MTAP: variants seen among roughly 807,000 people sequenced by gnomAD.
MTAP encodes the protein methylthioadenosine phosphorylase.
A neutral mutation model predicts 33.6 loss-of-function variants in MTAP; 33 were observed. The ratio of observed to expected loss-of-function variants is 0.98; its 90% confidence interval spans 0.74 to 1.31. MTAP has a LOEUF of 1.31. MTAP is among the 40% of genes most tolerant of loss of function. The pLI, the probability that MTAP is intolerant of heterozygous loss-of-function variation, is 0.00. For synonymous variants in MTAP, 148 were observed against 125.7 expected (o/e 1.18, Z -1.19); for missense variants, 367 against 360.0 (o/e 1.02, Z -0.16).
intron 1 of MTAP, among the ~76,000 whole-genome samples, chr9:21,912,448 T>A (rs1818594921): frequency 6.6e-6 from 1 of 152,206 alleles, no homozygotes; most frequent in African/African-American, 2.4e-5. Context: ...TCAAGTGGGC[T>A]TCATCCCTGG....
At chr9:21,873,624 G>A (rs1321269925) in intron 1 of MTAP, among the ~76,000 whole-genome samples, 2 of 100,904 alleles carry the variant, frequency 2.0e-5, no homozygotes. Flanking sequence ...CCCACCCCAA[G>A]AACTGTGAGA....
intron 4 of MTAP, 125 bp from the exon 5 acceptor site, chr9:21,837,783 A>C: frequency 1.4e-6 from 1 of 724,756 alleles, no homozygotes; most frequent in South Asian, 1.8e-5. Flanking sequence ...GCTTATCCAG[A>C]GGAATTGAGT....
intron 5 of MTAP, among the ~76,000 whole-genome samples, chr9:21,843,003 C>T (rs1365602763): frequency 1.3e-5 from 2 of 152,182 alleles, no homozygotes; most frequent in Non-Finnish European, 2.9e-5. Flanking sequence ...AACTAAGTAT[C>T]TGCAGTCTTC....
At position 21,818,273 on chromosome 9, in the gene MTAP, GAACCGGCAGGGC is replaced by G. The variant is rs375172820; in HGVS notation, c.347+75_347+86del. 148 of 1,434,680 alleles carry G rather than the reference GAACCGGCAGGGC, an allele frequency of 1.0e-4. 2 individuals carry two copies. In the South Asian group the frequency reaches 1.4e-3, roughly 14 times the overall value. 88.9% of individuals were successfully genotyped at this position (1,434,680 alleles called of 1,614,324 possible). On this transcript the variant is annotated intron_variant, in intron 4 of 7. Transcript: ENST00000644715. ...TTCAGCTCAAATGGACGACGCGTGG[GAACCGGCAGGGC>G]AACTGGGAGGGCAGTGCCACAGACT...
Position 21,830,945 on chromosome 9 carries a change from T to C in MTAP, c.348-6963T>C, listed in dbSNP as rs548139425. On this transcript the variant is annotated intron_variant, in intron 4 of 7. Transcript: ENST00000644715. ...ATGCATTATAAAGTGGTGCACAGGA[T>C]TGGTTTTTAATGAGATTTTTGCCAT... 7.2e-5 allele frequency among the ~76,000 whole-genome samples: 11 copies of C among 151,850 alleles called. No homozygotes were observed. In the East Asian group the frequency reaches 7.7e-4, roughly 11 times the overall value.
At chr9:21,816,135 T>G (rs1168006462) in intron 2 of MTAP, among the ~76,000 whole-genome samples, 1 of 152,204 alleles carries the variant, frequency 6.6e-6, no homozygotes, top group Non-Finnish European at 1.5e-5. Flanking sequence ...AAGATCTCTC[T>G]ATCTGGCTGT....
chr9:21,912,914 T>G (rs1390119375), intron 1 of MTAP, among the ~76,000 whole-genome samples: 1 of 152,182 alleles, frequency 6.6e-6, no homozygotes, highest in Non-Finnish European at 1.5e-5. Context: ...CTCGTTAAGC[T>G]GATAAGCAAC....
chr9:21,911,203 T>G (rs1818570581), intron 1 of MTAP, among the ~76,000 whole-genome samples: 1 of 152,096 alleles, frequency 6.6e-6, no homozygotes, highest in Admixed American at 6.6e-5. Context: ...CACCCCACTA[T>G]CAACATTAGA....
chr9:21,807,501 G>GT (rs1285933492), intron 1 of MTAP, among the ~76,000 whole-genome samples: 1 of 152,132 alleles, frequency 6.6e-6, no homozygotes, highest in Non-Finnish European at 1.5e-5. Context: ...TATTTCTTTT[G>GT]TAGGACTGTC....
At chr9:21,911,463 G>A (rs1818575036) in intron 1 of MTAP, among the ~76,000 whole-genome samples, 1 of 152,130 alleles carries the variant, frequency 6.6e-6, no homozygotes, top group African/African-American at 2.4e-5. Context: ...CTAGAACTCA[G>A]GATTAAGAAA....
intron 4 of MTAP, among the ~76,000 whole-genome samples, chr9:21,825,818 G>A (rs979618801): frequency 2.6e-5 from 4 of 152,250 alleles, no homozygotes; most frequent in African/African-American, 9.6e-5. Flanking sequence ...TCCAGCCTGG[G>A]TGACAGCAAA....
intron 1 of MTAP, among the ~76,000 whole-genome samples, chr9:21,927,508 G>T (rs1818888620): frequency 6.6e-6 from 1 of 152,202 alleles, no homozygotes; most frequent in African/African-American, 2.4e-5. Context: ...GCCACTACTA[G>T]AAGAGGATAA....
intron 1 of MTAP, among the ~76,000 whole-genome samples, chr9:21,872,663 AAAGC>A (rs911658760): frequency 3.3e-5 from 5 of 152,218 alleles, no homozygotes; most frequent in Non-Finnish European, 7.3e-5. Flanking sequence ...AAAGAAGAAA[AAAGC>A]AAATTGCATT....
chr9:21,889,606 C>A (rs533796175), intron 1 of MTAP, among the ~76,000 whole-genome samples: 19 of 152,232 alleles, frequency 1.2e-4, no homozygotes, highest in African/African-American at 2.2e-4. Context: ...CCTATCCCCC[C>A]ACTTCCCCTA....
At chr9:21,856,760 G>A (rs1825652452) in intron 6 of MTAP, among the ~76,000 whole-genome samples, 1 of 152,198 alleles carries the variant, frequency 6.6e-6, no homozygotes, top group African/African-American at 2.4e-5. Context: ...ACAGAAAGAT[G>A]GCATTATTTC....
Position 21,923,288 on chromosome 9 carries a change from G to A in MTAP, c.148-7720G>A, listed in dbSNP as rs73650000. On this transcript the variant is annotated intron_variant, in intron 1 of 1. Transcript: ENST00000577563. ...CATCCCTGTTATGCTCCAGGGTCAA[G>A]TTTTTGGTGGCTTTTGAAGCAGTTT... Among the ~76,000 whole-genome samples the A allele has an allele frequency of 3.9e-3, 590 of 152,298 alleles. 2 individuals carry two copies. The highest frequency in any genetic ancestry group is 0.013 in the African/African-American group (522 of 41,546).
At position 21,862,570 on chromosome 9, in the gene MTAP, TATA is replaced by T. The variant is rs1400794297; in HGVS notation, c.*564_*566del. The T allele has an allele frequency of 2.6e-5, 4 of 152,208 alleles. No homozygotes were observed. Among genetic ancestry groups the T allele is most frequent in the African/African-American group, 9.7e-5 (4 of 41,432 alleles). The allele number at this position is 152,208 out of a possible 1,614,324, so 9.4% of individuals were successfully genotyped here. On this transcript the variant is annotated 3_prime_UTR_variant, in exon 8 of 8. Coordinates refer to ENST00000644715, the MANE Select transcript of MTAP (RefSeq NM_002451.4). Reference sequence around the variant, plus strand: ...AAGAAGGGTGTTTAATAATGATAGTTATAATAATAAATAATTGAAACAATCTGA... The same window carrying T: ...AAGAAGGGTGTTTAATAATGATAGTTATAATAAATAATTGAAACAATCTGA...
At chr9:21,813,049 T>G (rs1824389652) in intron 1 of MTAP, among the ~76,000 whole-genome samples, 1 of 152,226 alleles carries the variant, frequency 6.6e-6, no homozygotes, top group African/African-American at 2.4e-5. Context: ...AGTTACTTTA[T>G]AACTAAGGCA....
chr9:21,882,967 T>C (rs1818039425), intron 1 of MTAP, among the ~76,000 whole-genome samples: 1 of 150,160 alleles, frequency 6.7e-6, no homozygotes. Flanking sequence ...TAATGCTTAT[T>C]TTCAAAAAGA....
Sources: gnomAD v4.1 joint callset for allele counts (sites outside exome capture counted in the v4.1 genomes callset) on GRCh38, gnomAD v4.1.1 for gene constraint, MANE v1.5 for transcripts, NCBI Gene and HGNC (gene_info 2026-07-23, HGNC 2026-07-21) for gene names.